Variants in SVEP1 observed in about 807,000 individuals in gnomAD.
SVEP1 encodes the protein sushi, von Willebrand factor type A, EGF and pentraxin domain containing 1.
In SVEP1, 164 loss-of-function variants were observed where a neutral mutation model predicts 367.3. The ratio of observed to expected loss-of-function variants is 0.45; its 90% CI spans 0.39 to 0.51. SVEP1 has a LOEUF of 0.51. Ranked by LOEUF, SVEP1 falls within the 20% of genes least tolerant of loss-of-function variation. The pLI, the probability that SVEP1 is intolerant of heterozygous loss-of-function variation, is 0.00. For missense variants in SVEP1, 4,117 were observed against 4,425.3 expected, an observed-to-expected ratio of 0.93 and a Z score of 1.98; for synonymous variants, 1,666 against 1,611.6, an observed-to-expected ratio of 1.03 and a Z score of -0.81.
chr9:110,481,435 A>G lies in SVEP1; in HGVS notation c.2172T>C (p.Gly724=). 1 of 1,568,612 alleles carries G rather than the reference A, an allele frequency of 6.4e-7. No individual in the cohort carries two copies. The highest frequency in any genetic ancestry group is 2.3e-5 in the East Asian group (1 of 44,038). ...RTCDIHIVIK[G]SPCEIPFTPV... is the part of the protein sequence containing the mutation. ...GTGTGAATGGAATTTCACAGGGAGA[A>G]CCTGTGTAAAAAAAATTGTACTATT... Residue 724 remains glycine, a splice_region_variant and synonymous_variant, in exon 12 of 48, where the codon GGT becomes GGC. Coordinates refer to ENST00000374469, the MANE Select transcript of SVEP1 (RefSeq NM_153366.4).
At chr9:110,433,520 G>A (rs1263042606) in intron 30 of SVEP1, among the ~76,000 whole-genome samples, 1 of 142,880 alleles carries the variant, frequency 7.0e-6, no homozygotes, top group African/African-American at 2.6e-5. Context: ...CTAAGCTGGA[G>A]TGCAGTGGTG....
rs183940654 is a variant in SVEP1 at position 110,514,315 on chromosome 9, C to T, written c.965-209G>A. ...TCACCTGAGGTCAGGAGTTTGAGAC[C>T]AGCCTGGCCAACATGATGAAACCCT... On this transcript the variant is annotated intron_variant, in intron 3 of 47. Transcript: ENST00000374469. Among the ~76,000 whole-genome samples the T allele has an allele frequency of 2.6e-5, 4 of 151,976 alleles. No individual in the cohort carries two copies. The East Asian group carries it at 7.7e-4, about 29-fold the overall frequency.
intron 18 of SVEP1, among the ~76,000 whole-genome samples, 193 bp downstream of exon 18, chr9:110,465,672 G>A (rs1002961025): frequency 6.6e-6 from 1 of 152,086 alleles, no homozygotes; most frequent in Admixed American, 6.5e-5. Context: ...GTGTTTACAC[G>A]GCAGGTATTT....
chr9:110,515,743 GA>G lies in SVEP1; in HGVS notation c.965-1638del, dbSNP rs535000024. Among the ~76,000 whole-genome samples, 123 of 152,298 alleles carry G rather than the reference GA, an allele frequency of 8.1e-4. 1 individual carries two copies. Among genetic ancestry groups the G allele is most frequent in the African/African-American group, 2.8e-3 (115 of 41,560 alleles). ...TTAAACATCAGAAAATGGAGGCTTA[GA>G]GAGATTCAATGACGACTATAGTTAC... On this transcript the variant is annotated intron_variant, in intron 3 of 47. Transcript: ENST00000374469.
chr9:110,416,905 A>T (rs191851153), intron 36 of SVEP1, among the ~76,000 whole-genome samples: 22 of 152,164 alleles, frequency 1.4e-4, no homozygotes, highest in Middle Eastern at 3.4e-3. Context: ...CTAGATTCTA[A>T]CTATTAGATG....
intron 22 of SVEP1, 90 bp from the exon 23 acceptor site, chr9:110,451,492 T>C (rs1828692511): frequency 3.6e-6 from 3 of 824,228 alleles, no homozygotes; most frequent in African/African-American, 3.4e-5. Context: ...GGCATTGGAA[T>C]AGGGAAATTG....
chr9:110,544,571 A>T (rs1354122871), intron 3 of SVEP1, among the ~76,000 whole-genome samples: 6 of 152,234 alleles, frequency 3.9e-5, no homozygotes, highest in African/African-American at 1.4e-4. Flanking sequence ...AGATCTTCTT[A>T]TAAGAAAACC....
intron 46 of SVEP1, 131 bp downstream of exon 46, chr9:110,375,237 G>T: frequency 1.3e-6 from 1 of 780,096 alleles, no homozygotes; most frequent in Non-Finnish European, 2.0e-6. Flanking sequence ...GGATCATCTT[G>T]AGGAATTTTT....
At chr9:110,482,702 T>G (rs1829211852) in intron 10 of SVEP1, among the ~76,000 whole-genome samples, 1 of 152,164 alleles carries the variant, frequency 6.6e-6, no homozygotes, top group Non-Finnish European at 1.5e-5. Flanking sequence ...AATTTTTGTA[T>G]TTTTAGTTAG....
intron 9 of SVEP1, among the ~76,000 whole-genome samples, chr9:110,484,834 A>G (rs2118712198): frequency 6.6e-6 from 1 of 152,314 alleles, no homozygotes; most frequent in African/African-American, 2.4e-5. Flanking sequence ...TATGAAAAAA[A>G]GCTCATTATC....
intron 2 of SVEP1, among the ~76,000 whole-genome samples, chr9:110,547,474 C>T (rs1392453510): frequency 6.6e-6 from 1 of 152,092 alleles, no homozygotes; most frequent in Non-Finnish European, 1.5e-5. Flanking sequence ...ACTTGGAAGA[C>T]TGAGGTGGGA....
At chr9:110,453,226 AG>A (rs1273829279) in intron 22 of SVEP1, among the ~76,000 whole-genome samples, 1 of 152,160 alleles carries the variant, frequency 6.6e-6, no homozygotes, top group Admixed American at 6.6e-5. Flanking sequence ...ATGATGAGTT[AG>A]GTACAATGCT....
chr9:110,559,621 T>C (rs900417916), intron 1 of SVEP1, among the ~76,000 whole-genome samples: 7 of 152,090 alleles, frequency 4.6e-5, no homozygotes, highest in Non-Finnish European at 7.4e-5. Context: ...CCACCTGTCC[T>C]GGTAATATTT....
intron 3 of SVEP1, among the ~76,000 whole-genome samples, chr9:110,522,874 T>C (rs1829894107): frequency 6.6e-6 from 1 of 152,206 alleles, no homozygotes; most frequent in Non-Finnish European, 1.5e-5. Context: ...CCATTATTGG[T>C]ACACTAATTT....
intron 36 of SVEP1, among the ~76,000 whole-genome samples, chr9:110,415,349 T>G (rs1010327652): frequency 6.6e-6 from 1 of 152,072 alleles, no homozygotes; most frequent in African/African-American, 2.4e-5. Flanking sequence ...AATGTGTGTA[T>G]GTACACATGG....
chr9:110,555,303 C>A (rs1006827943), intron 1 of SVEP1, among the ~76,000 whole-genome samples: 8 of 151,548 alleles, frequency 5.3e-5, no homozygotes, highest in Non-Finnish European at 1.0e-4. Flanking sequence ...ATAACTATTT[C>A]TTCAATGAAT....
intron 43 of SVEP1, among the ~76,000 whole-genome samples, chr9:110,383,588 G>A (rs1284043930): frequency 6.6e-6 from 1 of 151,984 alleles, no homozygotes; most frequent in African/African-American, 2.4e-5. Context: ...AGGAGGCATG[G>A]GATCAGGGAC....
intron 5 of SVEP1, among the ~76,000 whole-genome samples, chr9:110,511,487 C>CATTTTTTTTTTTTTT (rs1564163441): frequency 1.4e-5 from 1 of 69,538 alleles, no homozygotes; most frequent in Non-Finnish European, 2.7e-5. Flanking sequence ...TGTGTCAGTA[C>CATTTTTTTTTTTTTT]CTTTTTTTTT....
chr9:110,488,646 G>A (rs1291704939), intron 9 of SVEP1, among the ~76,000 whole-genome samples: 2 of 152,104 alleles, frequency 1.3e-5, no homozygotes, highest in African/African-American at 2.4e-5. Flanking sequence ...AGGATCACTT[G>A]AGGCCAGGAG....
Sources: allele counts gnomAD v4.1 joint callset (sites outside exome capture counted in the v4.1 genomes callset), GRCh38; gene constraint gnomAD v4.1.1; transcripts MANE v1.5; gene names NCBI Gene and HGNC (gene_info 2026-07-23, HGNC 2026-07-21).